Variants in ADAMTS14 observed in about 807,000 individuals in gnomAD.
ADAMTS14 encodes the protein A disintegrin and metalloproteinase with thrombospondin motifs 14.
A neutral mutation model predicts 128.6 loss-of-function variants in ADAMTS14; 100 were observed. That is an observed-to-expected ratio of 0.78 (90% CI 0.66 to 0.92). The LOEUF (loss-of-function observed/expected upper bound fraction) is 0.92, where lower values mean the gene tolerates loss of function less well. ADAMTS14 is among the 40% of genes least tolerant of loss of function. ADAMTS14 has a pLI of 0.00. For missense variants in ADAMTS14, 1,562 were observed against 1,658.6 expected, an observed-to-expected ratio of 0.94 and a Z score of 1.01; for synonymous variants, 665 against 653.8, an observed-to-expected ratio of 1.02 and a Z score of -0.26.
At position 70,675,802 on chromosome 10, in the gene ADAMTS14, G is replaced by A. The variant is rs561638206; in HGVS notation, c.522+807G>A. ...CTCAGTGTGCAGGCCCTTGTGAGCT[G>A]GCACAGCAGCCTCAAGGTCCTGTTG... On this transcript the variant is annotated intron_variant, in intron 2 of 21. Transcript: ENST00000373207. Among the ~76,000 whole-genome samples, 6 of 152,322 alleles carry A rather than the reference G, an allele frequency of 3.9e-5. No homozygotes were observed. The East Asian group carries it at 1.2e-3, about 29-fold the overall frequency.
At chr10:70,704,030 T>C (rs1378873861) in intron 3 of ADAMTS14, among the ~76,000 whole-genome samples, 1 of 152,220 alleles carries the variant, frequency 6.6e-6, no homozygotes, top group Non-Finnish European at 1.5e-5. Context: ...CACAGCTTGA[T>C]TAAAGCCAGA....
At chr10:70,696,544 G>A (rs900565652) in intron 2 of ADAMTS14, among the ~76,000 whole-genome samples, 1 of 152,148 alleles carries the variant, frequency 6.6e-6, no homozygotes, top group Admixed American at 6.5e-5. Flanking sequence ...GCTGAACCAG[G>A]GTGGAGAAGC....
Position 70,736,689 on chromosome 10 carries a change from T to C in ADAMTS14, c.1495T>C (p.Phe499Leu). The change falls in exon 10 of 22, where the codon TTT becomes CTT. Residue 499 changes from phenylalanine to leucine, a missense_variant. Coordinates refer to ENST00000373207, the MANE Select transcript of ADAMTS14 (RefSeq NM_080722.4). ...GYQTCLAFRT[F>L]EPCKQLWCSH... ...TTCCCTTGCCATGCAGTTCAGGACC[T>C]TTGAGCCCTGCAAGCAGCTGTGGTG... 6.2e-7 allele frequency: 1 copy of C among 1,613,802 alleles called. No homozygotes were observed. Among genetic ancestry groups the C allele is most frequent in the Non-Finnish European group, 8.5e-7 (1 of 1,179,812 alleles).
intron 4 of ADAMTS14, among the ~76,000 whole-genome samples, chr10:70,711,859 G>C (rs1266447078): frequency 6.6e-6 from 1 of 152,162 alleles, no homozygotes; most frequent in African/African-American, 2.4e-5. Flanking sequence ...GCAGAGTTCT[G>C]TCTGCAGTGT....
At chr10:70,684,966 A>G (rs1316107013) in intron 2 of ADAMTS14, among the ~76,000 whole-genome samples, 3 of 152,238 alleles carry the variant, frequency 2.0e-5, no homozygotes, top group Non-Finnish European at 4.4e-5. Flanking sequence ...TGGATTAATA[A>G]CTTATTTATG....
At chr10:70,688,603 C>T (rs1388832382) in intron 2 of ADAMTS14, among the ~76,000 whole-genome samples, 140 of 94,116 alleles carry the variant, frequency 1.5e-3, no homozygotes, top group African/African-American at 4.5e-3. Context: ...AACGAGACTC[C>T]GTCTGCAATC....
At chr10:70,726,851 G>C (rs571747236) in intron 4 of ADAMTS14, among the ~76,000 whole-genome samples, 3 of 151,506 alleles carry the variant, frequency 2.0e-5, no homozygotes, top group Admixed American at 2.0e-4. Context: ...TTGTCTCTAC[G>C]CATTGGAGCA....
At chr10:70,681,444 A>G (rs1453469765) in intron 2 of ADAMTS14, among the ~76,000 whole-genome samples, 2 of 152,192 alleles carry the variant, frequency 1.3e-5, no homozygotes, top group Non-Finnish European at 2.9e-5. Flanking sequence ...TGAAAATGTA[A>G]TTGGAAAATG....
At chr10:70,702,561 C>T in intron 3 of ADAMTS14, 93 bp downstream of exon 3, 1 of 1,461,802 alleles carries the variant, frequency 6.8e-7, no homozygotes, top group Admixed American at 2.5e-5. Flanking sequence ...CATGTCTGGC[C>T]TCAGTCTTCT....
intron 19 of ADAMTS14, among the ~76,000 whole-genome samples, chr10:70,754,589 C>T (rs1842435378): frequency 6.6e-6 from 1 of 152,082 alleles, no homozygotes; most frequent in South Asian, 2.1e-4. Context: ...AACAATTTTA[C>T]AACGTTCCAG....
At chr10:70,745,877 A>AGCTGGGG (rs1362304596) in intron 15 of ADAMTS14, among the ~76,000 whole-genome samples, 4 of 152,094 alleles carry the variant, frequency 2.6e-5, no homozygotes, top group African/African-American at 9.7e-5. Context: ...ACTGGCTGTC[A>AGCTGGGG]GCTGGGGTCA....
rs1283166203 is a variant in ADAMTS14, at chr10:70,702,431, G to T, written c.642G>T (p.Gln214His). Reference protein sequence around the residue: ...HVVYRREAVQQEWAEPDGDLH... With the variant: ...HVVYRREAVQHEWAEPDGDLH... ...TGTACCGCCGGGAGGCCGTCCAGCA[G>T]GAGTGGGCAGAACCTGACGGGGACC... Residue 214 changes from glutamine (Q) to histidine (H), a missense_variant, in exon 3 of 22, where the codon CAG becomes CAT. Gln to His is a conservative substitution (Grantham distance 24). Transcript: ENST00000373207. The T allele has an allele frequency of 1.2e-6, 2 of 1,613,422 alleles. No individual in the cohort carries two copies. The highest frequency in any genetic ancestry group is 8.5e-7 in the Non-Finnish European group (1 of 1,179,642).
chr10:70,708,854 G>C, intron 4 of ADAMTS14, 76 bp downstream of exon 4: 2 of 1,177,006 alleles, frequency 1.7e-6, no homozygotes, highest in Non-Finnish European at 2.3e-6. Context: ...GGGCCCCAGT[G>C]CTGATCCAAG....
At chr10:70,729,474 C>T in intron 5 of ADAMTS14, 97 bp downstream of exon 5, 2 of 1,028,702 alleles carry the variant, frequency 1.9e-6, no homozygotes, top group South Asian at 1.3e-5. Flanking sequence ...GGTAAGCATC[C>T]AGGAATCTGT....
At position 70,714,684 on chromosome 10, in the gene ADAMTS14, C is replaced by T. The variant is rs144799731; in HGVS notation, c.870+5906C>T. 1.5e-3 allele frequency among the ~76,000 whole-genome samples: 229 copies of T among 152,216 alleles called. 2 individuals are homozygous for T. Among genetic ancestry groups the T allele is most frequent in the African/African-American group, 4.9e-3 (205 of 41,526 alleles). On this transcript the variant is annotated intron_variant, in intron 4 of 21. Coordinates refer to ENST00000373207, the MANE Select transcript of ADAMTS14 (RefSeq NM_080722.4). ...GGGGGTTTGGCCAGGTACAGTGGCT[C>T]ACGCATGTAATCCAGTACTTTGGGA...
rs148012704 is a variant in ADAMTS14 at position 70,694,108 on chromosome 10, T to C, written c.523-8204T>C. ...AGCCTCCAGCAGAGCTCCTGTGGCTTGGGGCTTCCACATCAGGTTTGAATT... is the reference window on the plus strand; with the variant it reads ...AGCCTCCAGCAGAGCTCCTGTGGCTCGGGGCTTCCACATCAGGTTTGAATT... On this transcript the variant is annotated intron_variant, in intron 2 of 21. Coordinates refer to ENST00000373207, the MANE Select transcript of ADAMTS14 (RefSeq NM_080722.4). Among the ~76,000 whole-genome samples the C allele has an allele frequency of 7.5e-4, 115 of 152,366 alleles. 2 individuals are homozygous for C. In the East Asian group the frequency reaches 0.014, roughly 19 times the overall value.
In ADAMTS14 at chr10:70,702,317, C is replaced by T. The variant is rs1309498618; in HGVS notation, c.528C>T (p.Gly176=). ...GCTTGCCGTCCCTGGTTCAGGCGGG[C>T]CTCATCCGCACAGACAGCACCGACT... ...VAISNCDGLA[G]LIRTDSTDFF... is the part of the protein sequence containing the mutation. The change falls in exon 3 of 22, where the codon GGC becomes GGT. Residue 176 remains glycine (G), a synonymous_variant. Transcript: ENST00000373207. The T allele has an allele frequency of 6.2e-7, 1 of 1,614,176 alleles. No homozygotes were observed. The highest frequency in any genetic ancestry group is 1.1e-5 in the South Asian group (1 of 91,080).
chr10:70,728,028 G>A (rs1386902088), intron 4 of ADAMTS14, among the ~76,000 whole-genome samples: 2 of 151,516 alleles, frequency 1.3e-5, no homozygotes, highest in Admixed American at 1.3e-4. Context: ...CCCAGGAGGT[G>A]GAGTTTGCAG....
At position 70,751,517 on chromosome 10, in the gene ADAMTS14, G is replaced by GC. The variant is rs1484045667; in HGVS notation, c.2469dup (p.Tyr824LeufsTer7). 6.2e-7 allele frequency: 1 copy of GC among 1,612,330 alleles called. No individual in the cohort carries two copies. Among genetic ancestry groups the GC allele is most frequent in the South Asian group, 1.1e-5 (1 of 90,976 alleles). ...TGAGGGTGGCCCCCGCAGCAGCCTGGCCTACAAGTACGTCATCCATGAGGA... is the reference window on the plus strand; with the variant it reads ...TGAGGGTGGCCCCCGCAGCAGCCTGGCCCTACAAGTACGTCATCCATGAGGA... On this transcript the variant is annotated frameshift_variant, in exon 17 of 22. Transcript: ENST00000373207.
Sources: gnomAD v4.1 joint callset for allele counts (sites outside exome capture counted in the v4.1 genomes callset) on GRCh38, gnomAD v4.1.1 for gene constraint, MANE v1.5 for transcripts, NCBI Gene and HGNC (gene_info 2026-07-23, HGNC 2026-07-21) for gene names.